Variants in ZCCHC8 observed in about 807,000 individuals in gnomAD.
ZCCHC8 encodes the protein zinc finger CCHC-type containing 8.
A neutral mutation model predicts 70.6 loss-of-function variants in ZCCHC8; 27 were observed. That is an observed-to-expected ratio of 0.38 (90% CI 0.28 to 0.53). ZCCHC8 has a LOEUF of 0.53. ZCCHC8 is among the 20% of genes least tolerant of loss of function. The pLI is 0.81. For missense variants in ZCCHC8, 737 were observed against 876.9 expected (o/e 0.84, Z 2.01); for synonymous variants, 293 against 317.4 (o/e 0.92, Z 0.82).
chr12:122,475,961 C>G (rs941537692), intron 13 of ZCCHC8, among the ~76,000 whole-genome samples: 1 of 152,218 alleles, frequency 6.6e-6, no homozygotes, highest in African/African-American at 2.4e-5. Context: ...CAAATGCCCT[C>G]CTCCTCATTT....
At chr12:122,478,457 AC>A (rs1176180120) in intron 11 of ZCCHC8, 165 bp from the exon 12 acceptor site, 3 of 601,180 alleles carry the variant, frequency 5.0e-6, no homozygotes, top group Non-Finnish European at 8.8e-6. Flanking sequence ...TTGAAGGAAA[AC>A]TAAACTTGCC....
chr12:122,498,740 C>T, intron 2 of ZCCHC8, 87 bp downstream of exon 2: 1 of 1,290,372 alleles, frequency 7.7e-7, no homozygotes, highest in South Asian at 1.3e-5. Flanking sequence ...AAATCCCATA[C>T]ACTTTTTACA....
In ZCCHC8 at chr12:122,473,321, T is replaced by A; in HGVS notation, c.*176A>T. On this transcript the variant is annotated 3_prime_UTR_variant, in exon 14 of 14. Transcript: ENST00000633063. ...AAGTTTTGTCAGTGAGAATAAAATA[T>A]ACTGAACTAGTGAGCTCAGTCTTTC... 1.4e-6 allele frequency: 1 copy of A among 715,234 alleles called. No homozygotes were observed. Among genetic ancestry groups the A allele is most frequent in the Non-Finnish European group, 2.2e-6 (1 of 448,786 alleles). The allele number at this position is 715,234 out of a possible 1,614,324, so 44.3% of individuals were successfully genotyped here.
intron 5 of ZCCHC8, 53 bp downstream of exon 5, chr12:122,489,333 T>C (rs372621314): frequency 1.9e-6 from 3 of 1,544,158 alleles, no homozygotes; most frequent in Non-Finnish European, 1.8e-6. Context: ...CCAGTTGACA[T>C]AGGATAGGAA....
chr12:122,486,939 C>T (rs1433188060), intron 5 of ZCCHC8, among the ~76,000 whole-genome samples: 1 of 152,196 alleles, frequency 6.6e-6, no homozygotes, highest in Non-Finnish European at 1.5e-5. Flanking sequence ...CTTAGCTTTC[C>T]ACCTGTTTCC....
Position 122,473,425 on chromosome 12 carries a change from T to C in ZCCHC8, c.*72A>G. The stretch of plus-strand genomic sequence containing the variant: ...GGAGGGACAAACAGGAAAACCATTC[T>C]ATCTATCCACTTAATTAGTACTAAT... On this transcript the variant is annotated 3_prime_UTR_variant, in exon 14 of 14. Coordinates refer to ENST00000633063, the MANE Select transcript of ZCCHC8 (RefSeq NM_017612.5). 1 of 1,456,246 alleles carries C rather than the reference T, an allele frequency of 6.9e-7. No individual in the cohort carries two copies. Among genetic ancestry groups the C allele is most frequent in the Non-Finnish European group, 9.3e-7 (1 of 1,079,608 alleles). The allele number at this position is 1,456,246 out of a possible 1,614,324, so 90.2% of individuals were successfully genotyped here.
chr12:122,489,714 T>C (rs778801100), intron 4 of ZCCHC8, among the ~76,000 whole-genome samples: 19 of 152,162 alleles, frequency 1.2e-4, no homozygotes, highest in Non-Finnish European at 2.6e-4. Flanking sequence ...ATCAAAAATA[T>C]ATAGTTTTAC....
intron 1 of ZCCHC8, chr12:122,499,175 C>A: frequency 2.4e-6 from 1 of 418,298 alleles, no homozygotes; most frequent in Non-Finnish European, 4.3e-6. Flanking sequence ...CTTTCAACAA[C>A]CACTATGTGA....
intron 2 of ZCCHC8, 72 bp downstream of exon 2, chr12:122,498,755 A>C (rs1379309500): frequency 6.9e-7 from 1 of 1,454,378 alleles, no homozygotes; most frequent in African/African-American, 1.4e-5. Flanking sequence ...TTTACAACGA[A>C]ATTCTGATTA....
intron 2 of ZCCHC8, among the ~76,000 whole-genome samples, chr12:122,498,467 C>T (rs1957864720): frequency 1.3e-5 from 2 of 152,026 alleles, no homozygotes; most frequent in South Asian, 2.1e-4. Context: ...GCTGGAATTA[C>T]AGGCATGAGC....
At chr12:122,480,510 T>C (rs937464841) in intron 10 of ZCCHC8, 199 bp from the exon 11 acceptor site, 1 of 433,634 alleles carries the variant, frequency 2.3e-6, no homozygotes, top group African/African-American at 2.1e-5. Context: ...TCTTGCTTTG[T>C]CACCAGGCTG....
intron 13 of ZCCHC8, among the ~76,000 whole-genome samples, chr12:122,477,328 G>A (rs1478660866): frequency 1.3e-5 from 2 of 149,628 alleles, no homozygotes; most frequent in Non-Finnish European, 3.0e-5. Context: ...CTAATTTTTT[G>A]TATTTTTAAT....
intron 13 of ZCCHC8, among the ~76,000 whole-genome samples, chr12:122,475,406 C>G (rs1175913568): frequency 6.6e-6 from 1 of 152,140 alleles, no homozygotes; most frequent in Non-Finnish European, 1.5e-5. Flanking sequence ...ATCTAACTGC[C>G]CACTGACCAT....
In ZCCHC8 at chr12:122,481,522, C is replaced by A; in HGVS notation, c.1018G>T (p.Asp340Tyr). The A allele has an allele frequency of 1.2e-6, 2 of 1,610,128 alleles. No homozygotes were observed. The highest frequency in any genetic ancestry group is 8.5e-7 in the Non-Finnish European group (1 of 1,178,694). The change falls in exon 10 of 14, where the codon GAT becomes TAT. Residue 340 changes from aspartate to tyrosine, a missense_variant and splice_region_variant. Transcript: ENST00000633063. ...NSGLALYDGK[D>Y]GTDGETEVGE... ...ACTTCTCTAACTTAAGATACTATAC[C>A]TTTTCCATCATAGAGTGCAAGCCCC...
intron 13 of ZCCHC8, among the ~76,000 whole-genome samples, chr12:122,476,806 T>C (rs143791784): frequency 0.019 from 2,881 of 152,048 alleles, 47 homozygotes; most frequent in Non-Finnish European, 0.031. Flanking sequence ...GCAGATCACC[T>C]GAGGTCAGGA....
chr12:122,485,650 T>C (rs1331138076), intron 5 of ZCCHC8, among the ~76,000 whole-genome samples: 1 of 150,882 alleles, frequency 6.6e-6, no homozygotes, highest in African/African-American at 2.4e-5. Flanking sequence ...GTCTTCCCCA[T>C]CAGAGAAAAT....
In ZCCHC8 at chr12:122,500,627, G is replaced by C; in HGVS notation, c.199+15C>G. 1 of 1,555,736 alleles carries C rather than the reference G, an allele frequency of 6.4e-7. No individual in the cohort carries two copies. The highest frequency in any genetic ancestry group is 8.7e-7 in the Non-Finnish European group (1 of 1,152,498). ...CCACACCCGGGTGACAGGGCCCAGC[G>C]AGAGGAAAGGATATTCTCGGCGCGG... On this transcript the variant is annotated intron_variant, in intron 1 of 13. Transcript: ENST00000633063. The surrounding 1 kb of genome is among the most constrained non-coding windows in gnomAD (Gnocchi z 4.8).
chr12:122,494,145 G>A (rs1957789664), intron 2 of ZCCHC8, among the ~76,000 whole-genome samples: 1 of 152,204 alleles, frequency 6.6e-6, no homozygotes, highest in Non-Finnish European at 1.5e-5. Context: ...CCCATGGGTA[G>A]CCCGGGGCCA....
chr12:122,475,195 C>T (rs904938143), intron 13 of ZCCHC8, among the ~76,000 whole-genome samples: 3 of 151,898 alleles, frequency 2.0e-5, no homozygotes, highest in Non-Finnish European at 2.9e-5. Context: ...TTACAGCGCA[C>T]GCCAACATGC....
Sources: gnomAD v4.1 joint callset for allele counts (sites outside exome capture counted in the v4.1 genomes callset) on GRCh38, gnomAD v4.1.1 for gene constraint, Gnocchi (gnomAD v3.1) non-coding constraint, MANE v1.5 for transcripts, NCBI Gene and HGNC (gene_info 2026-07-23, HGNC 2026-07-21) for gene names.